The following XPO1 variants were observed in gnomAD, a reference collection of about 807,000 sequenced individuals.
XPO1 encodes exportin-1.
Under a neutral mutation model 133.3 loss-of-function variants are expected in XPO1, and 5 were observed. That is an observed-to-expected ratio of 0.04 (90% CI 0.02 to 0.08). The LOEUF (loss-of-function observed/expected upper bound fraction) is 0.08, where lower values mean the gene tolerates loss of function less well. Ranked by LOEUF, XPO1 falls within the 10% of genes least tolerant of loss-of-function variation. The pLI, the probability that XPO1 is intolerant of heterozygous loss-of-function variation, is 1.00. For synonymous variants in XPO1, 419 were observed against 408.2 expected, an observed-to-expected ratio of 1.03 and a Z score of -0.32; for missense variants, 506 against 1,267.5, an observed-to-expected ratio of 0.40 and a Z score of 9.12.
intron 4 of XPO1, among the ~76,000 whole-genome samples, chr2:61,506,151 T>C (rs1365803290): frequency 6.6e-6 from 1 of 152,160 alleles, no homozygotes; most frequent in African/African-American, 2.4e-5. Context: ...GCCGGACGGA[T>C]GGCTCACGCC....
At chr2:61,489,021 G>T (rs944173447) in intron 17 of XPO1, among the ~76,000 whole-genome samples, 3 of 151,920 alleles carry the variant, frequency 2.0e-5, no homozygotes, top group Non-Finnish European at 4.4e-5. Flanking sequence ...AGAACGGCGT[G>T]AACGCTAGAG....
At chr2:61,516,579 T>C (rs1209176971) in intron 4 of XPO1, among the ~76,000 whole-genome samples, 1 of 151,578 alleles carries the variant, frequency 6.6e-6, no homozygotes, top group African/African-American at 2.4e-5. Context: ...CACGCCTGGC[T>C]AATTTTGTAT....
At chr2:61,531,278 A>G (rs939461117) in intron 2 of XPO1, among the ~76,000 whole-genome samples, 2 of 152,244 alleles carry the variant, frequency 1.3e-5, no homozygotes, top group Admixed American at 6.5e-5. Context: ...ATTTCTACGC[A>G]ACTGATTTTG....
At chr2:61,479,003 ACTT>A (rs1370244995) in intron 24 of XPO1, 37 bp from the exon 25 acceptor site, 3 of 1,589,600 alleles carry the variant, frequency 1.9e-6, no homozygotes, top group Admixed American at 3.7e-5. Flanking sequence ...AACGCAATAA[ACTT>A]CAACTTGCAA....
chr2:61,481,340 T>TGC, intron 23 of XPO1, 59 bp from the exon 24 acceptor site: 1 of 1,352,866 alleles, frequency 7.4e-7, no homozygotes, highest in Non-Finnish European at 1.0e-6. Flanking sequence ...GACAGAGTAT[T>TGC]GCTCTGTCAC....
rs920639452 is a variant in XPO1, at chr2:61,486,114, C to G, written c.2314-152G>C. 5 of 718,864 alleles carry G rather than the reference C, an allele frequency of 7.0e-6. No individual in the cohort carries two copies. The African/African-American group carries it at 9.0e-5, about 13-fold the overall frequency. The allele number at this position is 718,864 out of a possible 1,614,324, so 44.5% of individuals were successfully genotyped here. On this transcript the variant is annotated intron_variant, in intron 19 of 24. Transcript: ENST00000401558. ...TGTATTAGGGTTTCCTACGTCAAAA[C>G]AGTTTTTAGCAAAAGAAAGCAGGAA...
chr2:61,484,268 C>T (rs1696557944), intron 20 of XPO1, 163 bp from the exon 21 acceptor site: 3 of 580,582 alleles, frequency 5.2e-6, no homozygotes, highest in Non-Finnish European at 8.9e-6. Context: ...ATACAATCCA[C>T]CTCTCACGGA....
At chr2:61,506,598 C>CCAAAAAAAAA (rs1553409965) in intron 4 of XPO1, among the ~76,000 whole-genome samples, 2 of 81,418 alleles carry the variant, frequency 2.5e-5, no homozygotes, top group Non-Finnish European at 4.5e-5. Flanking sequence ...GATTCCGTCT[C>CCAAAAAAAAA]AAAAAAAAAA....
intron 2 of XPO1, among the ~76,000 whole-genome samples, chr2:61,532,377 T>G (rs942810372): frequency 6.6e-6 from 1 of 151,860 alleles, no homozygotes; most frequent in Non-Finnish European, 1.5e-5. Context: ...TCCGCCGGCG[T>G]CGGCCTCTCA....
At chr2:61,530,117 G>A (rs562712988) in intron 2 of XPO1, among the ~76,000 whole-genome samples, 1 of 152,276 alleles carries the variant, frequency 6.6e-6, no homozygotes, top group East Asian at 1.9e-4. Flanking sequence ...TCTAACTAGA[G>A]GAAAAGTTGT....
chr2:61,513,817 A>C (rs1469442313), intron 4 of XPO1, among the ~76,000 whole-genome samples: 1 of 152,210 alleles, frequency 6.6e-6, no homozygotes, highest in African/African-American at 2.4e-5. Context: ...CAAAATATAC[A>C]GTTAACAAAA....
intron 19 of XPO1, among the ~76,000 whole-genome samples, chr2:61,487,032 G>C (rs1696729906): frequency 6.6e-6 from 1 of 151,006 alleles, no homozygotes; most frequent in Admixed American, 6.6e-5. Flanking sequence ...GCCCAGACTG[G>C]GGTGCAATGG....
At chr2:61,536,280 C>A (rs1339185456) in intron 1 of XPO1, 1 of 152,196 alleles carries the variant, frequency 6.6e-6, no homozygotes, top group South Asian at 2.1e-4. Flanking sequence ...CAAATCAAAC[C>A]GCTTCCAAAA....
chr2:61,510,619 C>T (rs1433814281), intron 4 of XPO1, among the ~76,000 whole-genome samples: 2 of 152,064 alleles, frequency 1.3e-5, no homozygotes, highest in Non-Finnish European at 2.9e-5. Context: ...TTAAAATTGA[C>T]AGGAGCATCA....
chr2:61,496,697 C>A (rs1324355062), intron 10 of XPO1, among the ~76,000 whole-genome samples, 182 bp downstream of exon 10: 2 of 152,080 alleles, frequency 1.3e-5, no homozygotes, highest in Non-Finnish European at 1.5e-5. Flanking sequence ...ACACCCCAAA[C>A]CTGAATTTTA....
chr2:61,533,933 C>T, intron 1 of XPO1, 30 bp from the exon 2 acceptor site: 1 of 1,478,364 alleles, frequency 6.8e-7, no homozygotes, highest in Non-Finnish European at 9.0e-7. Flanking sequence ...ATTGAAGCTG[C>T]CTATCAAGTT....
intron 7 of XPO1, among the ~76,000 whole-genome samples, 200 bp downstream of exon 7, chr2:61,499,513 G>T (rs1356096023): frequency 6.6e-6 from 1 of 152,164 alleles, no homozygotes; most frequent in Admixed American, 6.5e-5. Context: ...AGTGTGTCTT[G>T]AACAATTCAT....
intron 24 of XPO1, among the ~76,000 whole-genome samples, chr2:61,479,561 A>G (rs1354535831): frequency 6.6e-6 from 1 of 152,144 alleles, no homozygotes; most frequent in Non-Finnish European, 1.5e-5. Flanking sequence ...CCCATCCCCT[A>G]AGTATATACA....
At chr2:61,484,218 C>A in intron 20 of XPO1, 113 bp from the exon 21 acceptor site, 1 of 920,918 alleles carries the variant, frequency 1.1e-6, no homozygotes, top group Non-Finnish European at 1.6e-6. Context: ...CAATAAACCA[C>A]AGAAGATAGA....
Sources: gnomAD v4.1 joint callset for allele counts (sites outside exome capture counted in the v4.1 genomes callset) on GRCh38, gnomAD v4.1.1 for gene constraint, MANE v1.5 for transcripts, NCBI Gene and HGNC (gene_info 2026-07-23, HGNC 2026-07-21) for gene names.